The following RAB27A variants were observed in gnomAD, a reference collection of about 807,000 sequenced individuals.
RAB27A encodes the protein RAB27A, member RAS oncogene family, also known as ras-related protein Rab-27A.
A neutral mutation model predicts 20.8 loss-of-function variants in RAB27A; 17 were observed. The observed-to-expected ratio is 0.82, with a 90% confidence interval of 0.56 to 1.23. The LOEUF is 1.23. Ranked by LOEUF, RAB27A falls within the 50% of genes most tolerant of loss-of-function variation. The pLI, the probability that RAB27A is intolerant of heterozygous loss-of-function variation, is 0.00. For missense variants in RAB27A, 277 were observed against 266.7 expected (o/e 1.04, Z -0.27); for synonymous variants, 85 against 92.8 (o/e 0.92, Z 0.48).
intron 6 of RAB27A, among the ~76,000 whole-genome samples, chr15:55,222,577 C>T (rs1227110329): frequency 6.6e-6 from 1 of 152,164 alleles, no homozygotes; most frequent in Non-Finnish European, 1.5e-5. Flanking sequence ...GTATTCAAAC[C>T]CCTCCAGAGT....
intron 2 of RAB27A, among the ~76,000 whole-genome samples, chr15:55,266,363 G>A (rs1897485804): frequency 6.6e-6 from 1 of 152,190 alleles, no homozygotes; most frequent in Non-Finnish European, 1.5e-5. Context: ...CCAGTCTATG[G>A]TACTTTGTTA....
intron 1 of RAB27A, chr15:55,317,187 G>A (rs1385688696): frequency 1.3e-5 from 2 of 151,490 alleles, no homozygotes; most frequent in Non-Finnish European, 2.9e-5. Context: ...AACAGTGTTA[G>A]GTTAAAAAAT....
At chr15:55,262,677 G>C (rs1253142359) in intron 2 of RAB27A, among the ~76,000 whole-genome samples, 3 of 140,520 alleles carry the variant, frequency 2.1e-5, no homozygotes, top group African/African-American at 5.6e-5. Flanking sequence ...CTGTTGTCCA[G>C]GCTGGAGTGC....
chr15:55,303,755 T>A (rs369995818), intron 2 of RAB27A, among the ~76,000 whole-genome samples: 12 of 129,488 alleles, frequency 9.3e-5, no homozygotes, highest in African/African-American at 3.3e-4. Context: ...GGAGCCCCTC[T>A]GCCCGGCCAG....
intron 6 of RAB27A, among the ~76,000 whole-genome samples, chr15:55,219,396 C>T (rs1353443239): frequency 6.6e-6 from 1 of 152,150 alleles, no homozygotes; most frequent in African/African-American, 2.4e-5. Flanking sequence ...ATGACTTTGT[C>T]CAAAGAAAAT....
upstream of RAB27A, among the ~76,000 whole-genome samples, chr15:55,292,987 A>T (rs1034330326): frequency 6.6e-6 from 1 of 152,228 alleles, no homozygotes; most frequent in Non-Finnish European, 1.5e-5. Flanking sequence ...GTTATTACAG[A>T]AACTAAGTAC....
intron 1 of RAB27A, among the ~76,000 whole-genome samples, chr15:55,277,427 G>A (rs1897905735): frequency 6.6e-6 from 1 of 152,124 alleles, no homozygotes; most frequent in African/African-American, 2.4e-5. Flanking sequence ...CAGGTCACTT[G>A]AGGCCAGGAG....
rs149946940 is a variant in RAB27A at position 55,283,149 on chromosome 15, T to C, written c.-143+6567A>G. On this transcript the variant is annotated intron_variant, in intron 1 of 6. Coordinates refer to ENST00000336787, the MANE Select transcript of RAB27A (RefSeq NM_183235.3). ...ACATTTTAGGCAGGATAATCCTTTG[T>C]TGGGGGCTCTCCTGTGTACTGAGAA... Among the ~76,000 whole-genome samples, 8 of 152,248 alleles carry C rather than the reference T, an allele frequency of 5.3e-5. No homozygotes were observed. The East Asian group carries it at 1.3e-3, about 26-fold the overall frequency.
intron 6 of RAB27A, among the ~76,000 whole-genome samples, chr15:55,222,794 C>G (rs1895634137): frequency 6.6e-6 from 1 of 152,204 alleles, no homozygotes; most frequent in South Asian, 2.1e-4. Flanking sequence ...TACACCATCT[C>G]TATTTCCCTC....
chr15:55,211,218 A>G (rs1895010556), intron 6 of RAB27A, among the ~76,000 whole-genome samples: 1 of 152,096 alleles, frequency 6.6e-6, no homozygotes, highest in Admixed American at 6.6e-5. Context: ...TTTTTTCCTC[A>G]GGATTTTGTC....
At chr15:55,280,028 T>G (rs890912904) in intron 1 of RAB27A, among the ~76,000 whole-genome samples, 3 of 152,170 alleles carry the variant, frequency 2.0e-5, no homozygotes, top group African/African-American at 7.2e-5. Flanking sequence ...AATCTGCATT[T>G]CTATGTTCCC....
chr15:55,261,301 G>C (rs1037716340), intron 2 of RAB27A, among the ~76,000 whole-genome samples: 1 of 151,980 alleles, frequency 6.6e-6, no homozygotes, highest in African/African-American at 2.4e-5. Context: ...GGAGGCTGAG[G>C]TGGGAGAATT....
At chr15:55,259,672 CT>C (rs944785777) in intron 2 of RAB27A, among the ~76,000 whole-genome samples, 5 of 152,154 alleles carry the variant, frequency 3.3e-5, no homozygotes, top group Admixed American at 3.3e-4. Flanking sequence ...CTTTAATACA[CT>C]GAGAATTCAA....
At chr15:55,288,650 G>GA (rs1170729270) in intron 1 of RAB27A, among the ~76,000 whole-genome samples, 1 of 151,884 alleles carries the variant, frequency 6.6e-6, no homozygotes. Context: ...AAGGAAGGAA[G>GA]AAAAAAGTAG....
rs192626548 is a variant in RAB27A at position 55,252,180 on chromosome 15, A to G, written c.-22-17224T>C. ...ATCTGGGCAGACAACACAGTTCATT[A>G]GAGCCCACAGCAACAGTAGCTAGAA... is the stretch of plus-strand genomic sequence containing the variant. On this transcript the variant is annotated intron_variant, in intron 2 of 6. Coordinates refer to ENST00000336787, the MANE Select transcript of RAB27A (RefSeq NM_183235.3). Among the ~76,000 whole-genome samples the G allele has an allele frequency of 8.5e-5, 13 of 152,344 alleles. 1 individual carries two copies. Among genetic ancestry groups the G allele is most frequent in the Admixed American group, 4.6e-4 (7 of 15,298 alleles).
At chr15:55,301,017 C>T (rs2054969437) in intron 2 of RAB27A, among the ~76,000 whole-genome samples, 1 of 152,172 alleles carries the variant, frequency 6.6e-6, no homozygotes, top group African/African-American at 2.4e-5. Context: ...AATACTCAGA[C>T]TTTGATGGCC....
rs139470058 is a variant in RAB27A at position 55,252,574 on chromosome 15, C to T, written c.-23+17591G>A. ...CCAAGATCGCACTACTGTACTCCAG[C>T]CTGGGCGACAGAGTGAGATTCCATC... On this transcript the variant is annotated intron_variant, in intron 2 of 6. Transcript: ENST00000336787. Among the ~76,000 whole-genome samples the T allele has an allele frequency of 1.6e-3, 244 of 152,168 alleles. 1 individual carries two copies. Among genetic ancestry groups the T allele is most frequent in the African/African-American group, 5.7e-3 (235 of 41,516 alleles).
intron 1 of RAB27A, among the ~76,000 whole-genome samples, chr15:55,274,553 G>A (rs932842793): frequency 4.6e-5 from 7 of 151,610 alleles, no homozygotes; most frequent in East Asian, 1.9e-4. Flanking sequence ...CAAGGCGTGC[G>A]TATAACCTGA....
At chr15:55,275,931 A>AAAAC (rs1897858345) in intron 1 of RAB27A, among the ~76,000 whole-genome samples, 1 of 150,088 alleles carries the variant, frequency 6.7e-6, no homozygotes, top group South Asian at 2.1e-4. Flanking sequence ...AAAAAAAAAA[A>AAAAC]AAAAAAAAAC....
Sources: allele counts gnomAD v4.1 joint callset (sites outside exome capture counted in the v4.1 genomes callset), GRCh38; gene constraint gnomAD v4.1.1; transcripts MANE v1.5; gene names NCBI Gene and HGNC (gene_info 2026-07-23, HGNC 2026-07-21).